The following GON4L variants were observed in gnomAD, a reference collection of about 807,000 sequenced individuals.
The protein encoded by GON4L is gon-4 like.
Under a neutral mutation model 211.8 loss-of-function variants are expected in GON4L, and 87 were observed. That is an observed-to-expected ratio of 0.41 (90% confidence interval 0.35 to 0.49). The LOEUF is 0.49. Ranked by LOEUF, GON4L falls within the 20% of genes least tolerant of loss-of-function variation. The pLI is 0.15. For missense variants in GON4L, 2,155 were observed against 2,659.5 expected (o/e 0.81, Z 4.17); for synonymous variants, 875 against 962.6 (o/e 0.91, Z 1.68).
intron 12 of GON4L, 78 bp from the exon 13 acceptor site, chr1:155,785,452 T>C (rs1487676649): frequency 1.0e-6 from 1 of 953,974 alleles, no homozygotes; most frequent in Non-Finnish European, 1.7e-6. Context: ...AGACAATGTA[T>C]AATGTTTTCA....
chr1:155,857,532 T>C (rs568973726), upstream of GON4L, among the ~76,000 whole-genome samples: 53 of 152,130 alleles, frequency 3.5e-4, 1 homozygote, highest in East Asian at 0.01. Context: ...GAGTTCGAGA[T>C]CACCCTGGCT....
rs1356283328 is a variant in GON4L, at chr1:155,815,884, T to A, written c.1082A>T (p.Asp361Val). The A allele has an allele frequency of 6.3e-7, 1 of 1,589,730 alleles. No homozygotes were observed. Among genetic ancestry groups the A allele is most frequent in the African/African-American group, 1.3e-5 (1 of 74,380 alleles). ...GGAATCATCTTCTTCAAGGTGGATATCCACAAACTGAGGAGGCTACATTAG... is the reference window on the plus strand; with the variant it reads ...GGAATCATCTTCTTCAAGGTGGATAACCACAAACTGAGGAGGCTACATTAG... ...ANEIKPPQFV[D>V]IHLEEDDSSD... The change falls in exon 8 of 32, where the codon GAT becomes GTT. Residue 361 changes from aspartate to valine, a missense_variant. Asp to Val is a radical substitution (Grantham distance 152). Around this residue, in one of 6 missense-constraint regions of GON4L, gnomAD observed 551 missense variants for 854.0 expected, o/e 0.65. Coordinates refer to ENST00000368331, the MANE Select transcript of GON4L (RefSeq NM_001282860.2).
downstream of GON4L, among the ~76,000 whole-genome samples, chr1:155,749,003 C>T (rs140873753): frequency 2.6e-5 from 4 of 152,264 alleles, no homozygotes; most frequent in Non-Finnish European, 5.9e-5. Flanking sequence ...CCTGTAATCC[C>T]AGCACTTTGG....
At chr1:155,845,409 AC>A (rs1571927304) in intron 2 of GON4L, 3 of 316,540 alleles carry the variant, frequency 9.5e-6, no homozygotes, top group African/African-American at 4.4e-5. Context: ...GTGGTAGTCC[AC>A]CCCCAGGTAC....
chr1:155,793,781 T>C (rs547997560), intron 12 of GON4L, among the ~76,000 whole-genome samples: 1 of 152,138 alleles, frequency 6.6e-6, no homozygotes. Flanking sequence ...GCTAATTTCT[T>C]AAATTTTTAG....
Position 155,814,432 on chromosome 1 carries a change from A to G in GON4L, c.1179T>C (p.Asp393=). ...ETAEESLLES[D]VESTASSPRG... ...GTGGAGATGAAGCAGTGCTTTCAACATCACTTTCCAATAAGCTCTACAAAA... is the reference window on the plus strand; with the variant it reads ...GTGGAGATGAAGCAGTGCTTTCAACGTCACTTTCCAATAAGCTCTACAAAA... Residue 393 remains aspartate, a synonymous_variant, in exon 9 of 32, where the codon GAT becomes GAC. Coordinates refer to ENST00000368331, the MANE Select transcript of GON4L (RefSeq NM_001282860.2). 1.2e-6 allele frequency: 2 copies of G among 1,613,836 alleles called. No individual in the cohort carries two copies. The highest frequency in any genetic ancestry group is 2.2e-5 in the East Asian group (1 of 44,878).
At chr1:155,784,164 G>C in intron 13 of GON4L, 75 bp from the exon 14 acceptor site, 2 of 1,572,154 alleles carry the variant, frequency 1.3e-6, no homozygotes, top group Non-Finnish European at 1.7e-6. Context: ...GGAAGGAAGA[G>C]TGAAAACTAT....
intron 2 of GON4L, among the ~76,000 whole-genome samples, chr1:155,844,899 T>C (rs1321418154): frequency 6.6e-6 from 1 of 152,230 alleles, no homozygotes; most frequent in Admixed American, 6.6e-5. Flanking sequence ...GTGTGTGTCT[T>C]CTAGATTGCA....
At chr1:155,803,402 G>A (rs983652280) in intron 11 of GON4L, among the ~76,000 whole-genome samples, 7 of 151,950 alleles carry the variant, frequency 4.6e-5, no homozygotes, top group Non-Finnish European at 8.8e-5. Context: ...GCACCACCAC[G>A]CCCAGCAAAT....
At chr1:155,847,981 C>T (rs1263966612) in intron 2 of GON4L, among the ~76,000 whole-genome samples, 2 of 152,140 alleles carry the variant, frequency 1.3e-5, no homozygotes, top group East Asian at 1.9e-4. Flanking sequence ...TAGAAGTTAC[C>T]TTATATGGTT....
At position 155,822,442 on chromosome 1, in the gene GON4L, T is replaced by C. The variant is rs1245958097; in HGVS notation, c.732A>G (p.Arg244=). Residue 244 remains arginine, a synonymous_variant, in exon 4 of 32, where the codon AGA becomes AGG. Transcript: ENST00000368331. ...TCCTCTTGGTACCCTTTTTCTTTTT[T>C]CTCCTTTTCTCACTTTCTTCATTGT... is the stretch of plus-strand genomic sequence containing the variant. The part of the protein sequence containing the change: ...EQDNEESEKR[R]KKKKGTKRKR... The C allele has an allele frequency of 4.3e-6, 7 of 1,613,838 alleles. No homozygotes were observed. The highest frequency in any genetic ancestry group is 5.9e-6 in the Non-Finnish European group (7 of 1,179,884).
rs779877438 is a variant in GON4L at position 155,766,667 on chromosome 1, C to T, written c.2806G>A (p.Asp936Asn). Residue 936 changes from aspartate (D) to asparagine (N), a missense_variant, in exon 21 of 32, where the codon GAT becomes AAT. Physicochemically the swap from Asp to Asn is conservative, Grantham distance 23 (BLOSUM62 1). This residue lies in a region of GON4L where 551 missense variants were observed against 854.0 expected (regional missense o/e 0.65). Transcript: ENST00000368331. ...ATATTTCCTACCTCTCTAGCACCATCAGCCATGTGCCGCAGTTCTTCCTGG... is the reference window on the plus strand; with the variant it reads ...ATATTTCCTACCTCTCTAGCACCATTAGCCATGTGCCGCAGTTCTTCCTGG... ...SIQEELRHMADGAREVGNMTG... is the reference protein window; with the variant it reads ...SIQEELRHMANGAREVGNMTG... The T allele has an allele frequency of 6.2e-7, 1 of 1,614,196 alleles. No individual in the cohort carries two copies. Among genetic ancestry groups the T allele is most frequent in the Non-Finnish European group, 8.5e-7 (1 of 1,180,038 alleles).
chr1:155,767,929 T>C (rs911579398), intron 19 of GON4L, among the ~76,000 whole-genome samples: 2 of 152,048 alleles, frequency 1.3e-5, no homozygotes, highest in South Asian at 2.1e-4. Flanking sequence ...CTTGGACACA[T>C]GAAAGCTTCC....
chr1:155,809,928 A>T (rs1667554726), intron 10 of GON4L, among the ~76,000 whole-genome samples: 1 of 136,414 alleles, frequency 7.3e-6, no homozygotes, highest in Non-Finnish European at 1.5e-5. Context: ...TATAATTATA[A>T]ATTATATACA....
At chr1:155,764,570 G>A in intron 21 of GON4L, 1 of 358,944 alleles carries the variant, frequency 2.8e-6, no homozygotes, top group Non-Finnish European at 5.3e-6. Context: ...CTCCCAAGCA[G>A]CAGGGATTAC....
At position 155,751,818 on chromosome 1, in the gene GON4L, T is replaced by C; in HGVS notation, c.6525A>G (p.Pro2175=). 7 of 1,613,850 alleles carry C rather than the reference T, an allele frequency of 4.3e-6. No individual in the cohort carries two copies. Among genetic ancestry groups the C allele is most frequent in the Non-Finnish European group, 5.9e-6 (7 of 1,179,776 alleles). Residue 2175 remains proline, a synonymous_variant, in exon 31 of 32, where the codon CCA becomes CCG. Transcript: ENST00000368331. ...LTMCQEQGAQ[P]QTFNIISQQL... ...GCTGGGAGATGATGTTGAAGGTCTG[T>C]GGCTGTGCCCCTTGCTCCTGGCACA...
chr1:155,754,440 C>CGA lies in GON4L; in HGVS notation c.5565_5566insTC (p.Glu1856SerfsTer9). The CGA allele has an allele frequency of 6.2e-7, 1 of 1,613,138 alleles. No individual in the cohort carries two copies. Among genetic ancestry groups the CGA allele is most frequent in the Non-Finnish European group, 8.5e-7 (1 of 1,179,502 alleles). ...TTCAGCTTGGAATCTGGACCTCCTT[C>CGA]ATGGCAGGAGCAGGCACAGTCCTTG... On this transcript the variant is annotated frameshift_variant, in exon 28 of 32. Transcript: ENST00000368331. LOFTEE classifies it high-confidence loss of function.
In GON4L at chr1:155,765,306, G is replaced by C. The variant is rs896570729; in HGVS notation, c.4167C>G (p.Thr1389=). The change falls in exon 21 of 32, where the codon ACC becomes ACG. Residue 1389 remains threonine, a synonymous_variant. Coordinates refer to ENST00000368331, the MANE Select transcript of GON4L (RefSeq NM_001282860.2). ...KEEERSQPTK[T]PSSSQEPPDE... ...CAGGGGGCTCTTGAGAAGATGAAGG[G>C]GTTTTAGTTGGCTGACTCCTCTCCT... 5 of 1,614,032 alleles carry C rather than the reference G, an allele frequency of 3.1e-6. No homozygotes were observed. The African/African-American group carries it at 6.7e-5, about 22-fold the overall frequency.
chr1:155,796,854 T>C (rs1233521061), intron 11 of GON4L, among the ~76,000 whole-genome samples: 1 of 151,870 alleles, frequency 6.6e-6, no homozygotes, highest in African/African-American at 2.4e-5. Flanking sequence ...AAAAAGAGAA[T>C]ACCTAAATTT....
Sources: gnomAD v4.1 joint callset for allele counts (sites outside exome capture counted in the v4.1 genomes callset) on GRCh38, gnomAD v4.1.1 for gene constraint, gnomAD v4.1.1 regional missense constraint, MANE v1.5 for transcripts, NCBI Gene and HGNC (gene_info 2026-07-23, HGNC 2026-07-21) for gene names.